BRWD1: variants seen among roughly 807,000 people sequenced by gnomAD.
The protein encoded by BRWD1 is bromodomain and WD repeat domain containing 1, also known as bromodomain and WD repeat-containing protein 1.
BRWD1 carries 82 observed loss-of-function variants against 251.2 expected under a neutral mutation model. The ratio of observed to expected loss-of-function variants is 0.33; its 90% CI spans 0.27 to 0.39. BRWD1 has a LOEUF of 0.39. Ranked by LOEUF, BRWD1 falls within the 10% of genes least tolerant of loss-of-function variation. The pLI is 1.00. For synonymous variants in BRWD1, 918 were observed against 902.8 expected, an observed-to-expected ratio of 1.02 and a Z score of -0.30; for missense variants, 2,233 against 2,711.6, an observed-to-expected ratio of 0.82 and a Z score of 3.92.
At chr21:39,210,283 G>T in intron 35 of BRWD1, 136 bp from the exon 36 acceptor site, 1 of 692,738 alleles carries the variant, frequency 1.4e-6, no homozygotes, top group South Asian at 2.4e-5. Flanking sequence ...CATTAGTAAT[G>T]TTTAAAAAGA....
At chr21:39,284,837 G>A (rs555770257) in intron 8 of BRWD1, among the ~76,000 whole-genome samples, 1 of 152,136 alleles carries the variant, frequency 6.6e-6, no homozygotes, top group East Asian at 1.9e-4. Context: ...GATGCATAAA[G>A]TTTACAAGTA....
rs1396634996 is a variant in BRWD1, at chr21:39,313,373, G to A, written c.49+70C>T. 4.0e-6 allele frequency: 6 copies of A among 1,489,396 alleles called. No homozygotes were observed. In the East Asian group the frequency reaches 1.4e-4, roughly 35 times the overall value. The allele number at this position is 1,489,396 out of a possible 1,614,324, so 92.3% of individuals were successfully genotyped here. A position where few individuals can be genotyped will look rare whatever the true frequency, so the allele number is the denominator to read the frequency against. On this transcript the variant is annotated intron_variant, in intron 1 of 40. Transcript: ENST00000342449. ...GGACGGGGCCAGGGGAGCCGGGGGA[G>A]CCCGGGGAGCCGGGGAAGCCGAAGC...
At chr21:39,213,913 AAT>A (rs914003470) in intron 32 of BRWD1, among the ~76,000 whole-genome samples, 15 of 150,152 alleles carry the variant, frequency 1.0e-4, no homozygotes, top group African/African-American at 2.7e-4. Context: ...AGGTAAAAAA[AAT>A]ATATATATAT....
At chr21:39,206,299 GA>G (rs1432028828) in intron 36 of BRWD1, 25 bp from the exon 37 acceptor site, 5 of 1,485,104 alleles carry the variant, frequency 3.4e-6, no homozygotes, top group Non-Finnish European at 4.6e-6. Context: ...AAACAAAGTA[GA>G]ATTACAAAAT....
In BRWD1 at chr21:39,196,373, A is replaced by C. The variant is rs374352695; in HGVS notation, c.6696T>G (p.Leu2232=). The C allele has an allele frequency of 3.1e-6, 5 of 1,613,652 alleles. No homozygotes were observed. Among genetic ancestry groups the C allele is most frequent in the African/African-American group, 1.3e-5 (1 of 74,896 alleles). The change falls in exon 41 of 41, where the codon CTT becomes CTG. Residue 2232 remains leucine (L), a synonymous_variant. Coordinates refer to ENST00000342449, the MANE Select transcript of BRWD1 (RefSeq NM_033656.4). The part of the protein sequence containing the change: ...DLDYAKSKRV[L]RRSKIKTRNQ... The stretch of plus-strand genomic sequence containing the variant: ...TTCTCGTTTTTATTTTTGAACGTCG[A>C]AGAACTCTTTTAGATTTTGCATAGT...
intron 17 of BRWD1, among the ~76,000 whole-genome samples, chr21:39,260,407 T>G (rs552305416): frequency 5.9e-5 from 9 of 152,284 alleles, no homozygotes; most frequent in Middle Eastern, 3.4e-3. Context: ...CCCAAAGTGC[T>G]AAGATTACAA....
intron 9 of BRWD1, 25 bp from the exon 10 acceptor site, chr21:39,278,838 TA>T: frequency 6.5e-7 from 1 of 1,527,578 alleles, no homozygotes. Flanking sequence ...GATGCTGCTT[TA>T]AAATAGATTA....
chr21:39,310,920 C>A (rs1162417288), intron 4 of BRWD1, among the ~76,000 whole-genome samples: 1 of 152,004 alleles, frequency 6.6e-6, no homozygotes, highest in Non-Finnish European at 1.5e-5. Flanking sequence ...ATACATATAC[C>A]ATTAACAAAA....
intron 36 of BRWD1, among the ~76,000 whole-genome samples, chr21:39,208,381 C>T (rs1259634049): frequency 2.0e-5 from 3 of 152,004 alleles, no homozygotes; most frequent in African/African-American, 7.3e-5. Flanking sequence ...GATCCTGAAT[C>T]CAAGAAAGAG....
chr21:39,300,227 C>T (rs1348629183), intron 4 of BRWD1, among the ~76,000 whole-genome samples: 1 of 152,090 alleles, frequency 6.6e-6, no homozygotes, highest in Non-Finnish European at 1.5e-5. Flanking sequence ...AACACTAAAG[C>T]CAGGGCAGCC....
At chr21:39,247,896 G>A in intron 20 of BRWD1, 64 bp from the exon 21 acceptor site, 1 of 1,440,902 alleles carries the variant, frequency 6.9e-7, no homozygotes, top group Non-Finnish European at 9.2e-7. Flanking sequence ...TCAACAAAAT[G>A]GGCATTCCGT....
rs1420027528 is a variant in BRWD1, at chr21:39,194,302, G to A, written c.*1957C>T. 1 of 993,166 alleles carries A rather than the reference G, an allele frequency of 1.0e-6. No individual in the cohort carries two copies. Among genetic ancestry groups the A allele is most frequent in the Non-Finnish European group, 1.2e-6 (1 of 833,966 alleles). The allele number at this position is 993,166 out of a possible 1,614,324, so 61.5% of individuals were successfully genotyped here. On this transcript the variant is annotated 3_prime_UTR_variant, in exon 41 of 41. Transcript: ENST00000342449. Reference sequence around the variant, plus strand: ...CTTTTTGCAAATGATGGTAAACATGGAGTTAAAACCTGAGAACAGATTATA... The same window carrying A: ...CTTTTTGCAAATGATGGTAAACATGAAGTTAAAACCTGAGAACAGATTATA...
chr21:39,198,565 C>T (rs1157408125), intron 40 of BRWD1, among the ~76,000 whole-genome samples, 198 bp downstream of exon 40: 2 of 151,968 alleles, frequency 1.3e-5, no homozygotes, highest in Non-Finnish European at 2.9e-5. Flanking sequence ...TAAAATTATA[C>T]TCAATAAAAA....
intron 23 of BRWD1, among the ~76,000 whole-genome samples, chr21:39,233,979 C>A (rs12710453): frequency 0.25 from 37,915 of 152,150 alleles, 5,743 homozygotes; most frequent in Non-Finnish European, 0.35. Context: ...GAGATTGCCC[C>A]ACTGCGCTCC....
chr21:39,265,945 G>C (rs964264719), intron 15 of BRWD1, among the ~76,000 whole-genome samples: 5 of 152,312 alleles, frequency 3.3e-5, no homozygotes, highest in Admixed American at 3.3e-4. Context: ...CTTTTAAACT[G>C]TAAACTATAT....
intron 28 of BRWD1, 43 bp from the exon 29 acceptor site, chr21:39,224,512 CA>C (rs2033304698): frequency 7.4e-7 from 1 of 1,343,098 alleles, no homozygotes; most frequent in Non-Finnish European, 1.0e-6. Context: ...TTCATAAAAA[CA>C]AAATGTGGAT....
rs1325396228 is a variant in BRWD1, at chr21:39,249,913, GGGGTGTGTGTGTGT to G, written c.2349+869_2349+882del. ...CAGAACCAAGATCAAAAAAAGAAGGGGGGTGTGTGTGTGTGTGTGTGTGTGTGTGTGTGTGTGTG... is the reference window on the plus strand; with the variant it reads ...CAGAACCAAGATCAAAAAAAGAAGGGGTGTGTGTGTGTGTGTGTGTGTGTG... On this transcript the variant is annotated intron_variant, in intron 20 of 40. Transcript: ENST00000342449. 3.9e-3 allele frequency among the ~76,000 whole-genome samples: 521 copies of G among 132,572 alleles called. 4 individuals are homozygous for G. The highest frequency in any genetic ancestry group is 0.012 in the African/African-American group (428 of 35,352). The allele number at this position is 132,572 out of a possible 152,430, so 87.0% of individuals were successfully genotyped here.
chr21:39,265,059 T>C (rs369077302), intron 15 of BRWD1, 40 bp from the exon 16 acceptor site: 5 of 1,589,698 alleles, frequency 3.1e-6, no homozygotes, highest in African/African-American at 2.7e-5. Context: ...ACCAATTCTA[T>C]GCAAGTGATT....
chr21:39,217,083 ATTTTTTTTTTTTT>A (rs1160265618), intron 31 of BRWD1: 19 of 28,872 alleles, frequency 6.6e-4, no homozygotes, highest in African/African-American at 2.5e-3. Flanking sequence ...ATATATATAT[ATTTTTTTTTTTTT>A]TTTTTTTTTT....
Sources: allele counts gnomAD v4.1 joint callset (sites outside exome capture counted in the v4.1 genomes callset), GRCh38; gene constraint gnomAD v4.1.1; transcripts MANE v1.5; gene names NCBI Gene and HGNC (gene_info 2026-07-23, HGNC 2026-07-21).